Variants in PLPP3 observed in about 807,000 individuals in gnomAD.
PLPP3 encodes PAP2 beta.
Under a neutral mutation model 29.6 loss-of-function variants are expected in PLPP3, and 6 were observed. The observed-to-expected ratio is 0.20, with a 90% CI of 0.11 to 0.40. The LOEUF is 0.40. Among genes scored for constraint, PLPP3 ranks in the 10% least tolerant of loss-of-function variants. PLPP3 has a pLI of 1.00. For missense variants in PLPP3, 308 were observed against 407.7 expected (o/e 0.76, Z 2.11); for synonymous variants, 152 against 159.7 (o/e 0.95, Z 0.36).
intron 1 of PLPP3, among the ~76,000 whole-genome samples, chr1:56,555,439 AAAAAAAAAAAAAAAAAAAAAAC>A (rs1646068936): frequency 6.8e-6 from 1 of 146,310 alleles, no homozygotes; most frequent in African/African-American, 2.5e-5. Flanking sequence ...ACACTAAAAA[AAAAAAAAAAAAAAAAAAAAAAC>A]AAAAAACAAA....
intron 4 of PLPP3, among the ~76,000 whole-genome samples, chr1:56,516,146 C>T (rs1044968309): frequency 3.3e-5 from 5 of 152,076 alleles, no homozygotes; most frequent in Non-Finnish European, 7.4e-5. Flanking sequence ...AGAAAAAAGC[C>T]AGTAGCAACA....
chr1:56,568,767 G>A (rs1646178478), intron 1 of PLPP3, among the ~76,000 whole-genome samples: 1 of 152,134 alleles, frequency 6.6e-6, no homozygotes, highest in African/African-American at 2.4e-5. Flanking sequence ...TGGGACTACA[G>A]GTGCCCACCA....
At chr1:56,526,633 G>A (rs552168280) in intron 2 of PLPP3, among the ~76,000 whole-genome samples, 2 of 152,276 alleles carry the variant, frequency 1.3e-5, no homozygotes, top group South Asian at 4.1e-4. Context: ...TAGGAGTCAA[G>A]TAGCCGAGGT....
intron 1 of PLPP3, among the ~76,000 whole-genome samples, chr1:56,558,379 G>T (rs1006875060): frequency 6.6e-6 from 1 of 152,160 alleles, no homozygotes. Flanking sequence ...AAATGGAAAG[G>T]TAGCTCCATC....
In PLPP3 at chr1:56,526,131, C is replaced by G. The variant is rs537515449; in HGVS notation, c.298-1577G>C. ...AGGCAAAGGCCACTCTAGCCAGCAT[C>G]TTGGCATAGCCGTTTCCTGAGAGAG... On this transcript the variant is annotated intron_variant, in intron 2 of 5. Coordinates refer to ENST00000371250, the MANE Select transcript of PLPP3 (RefSeq NM_003713.5). Among the ~76,000 whole-genome samples, 4 of 152,320 alleles carry G rather than the reference C, an allele frequency of 2.6e-5. No homozygotes were observed. In the South Asian group the frequency reaches 8.3e-4, roughly 32 times the overall value.
chr1:56,565,753 T>C (rs904918691), intron 1 of PLPP3, among the ~76,000 whole-genome samples: 1 of 152,124 alleles, frequency 6.6e-6, no homozygotes, highest in African/African-American at 2.4e-5. Context: ...AAGCCTTCTA[T>C]AGGATCCAGG....
intron 2 of PLPP3, among the ~76,000 whole-genome samples, chr1:56,531,943 C>G (rs1003174679): frequency 6.6e-6 from 1 of 152,166 alleles, no homozygotes; most frequent in Non-Finnish European, 1.5e-5. Context: ...CACACTGCCC[C>G]TCACAGAAAG....
chr1:56,499,083 C>G (rs1299571104), intron 5 of PLPP3, among the ~76,000 whole-genome samples: 10 of 145,232 alleles, frequency 6.9e-5, no homozygotes, highest in Admixed American at 4.8e-4. Flanking sequence ...TCCCCCCCCC[C>G]CACCTTCCCC....
chr1:56,563,570 G>C (rs897378047), intron 1 of PLPP3, among the ~76,000 whole-genome samples: 4 of 152,182 alleles, frequency 2.6e-5, no homozygotes, highest in Non-Finnish European at 4.4e-5. Flanking sequence ...GATTCTCTCT[G>C]ATATATTTTC....
chr1:56,511,479 G>C (rs757967864), intron 5 of PLPP3, among the ~76,000 whole-genome samples: 1 of 152,162 alleles, frequency 6.6e-6, no homozygotes, highest in Non-Finnish European at 1.5e-5. Flanking sequence ...CAAGGTCACA[G>C]AGGGAAGAGG....
intron 1 of PLPP3, among the ~76,000 whole-genome samples, chr1:56,541,529 G>T (rs1645969613): frequency 6.6e-6 from 1 of 152,038 alleles, no homozygotes; most frequent in African/African-American, 2.4e-5. Context: ...AAGAGGCTAC[G>T]TTCCAACCTT....
At chr1:56,544,329 C>T (rs1388566712) in intron 1 of PLPP3, among the ~76,000 whole-genome samples, 1 of 152,128 alleles carries the variant, frequency 6.6e-6, no homozygotes, top group Non-Finnish European at 1.5e-5. Flanking sequence ...AACTCCAAAC[C>T]TCTTTTGTCA....
At chr1:56,561,687 A>T (rs775416065) in intron 1 of PLPP3, among the ~76,000 whole-genome samples, 21 of 152,188 alleles carry the variant, frequency 1.4e-4, no homozygotes, top group Middle Eastern at 3.2e-3. Flanking sequence ...TCTATTTAGA[A>T]GAGATTTCAG....
intron 4 of PLPP3, among the ~76,000 whole-genome samples, chr1:56,516,259 C>G (rs982009119): frequency 2.0e-5 from 3 of 152,134 alleles, no homozygotes; most frequent in Non-Finnish European, 2.9e-5. Flanking sequence ...CCAGTTCACA[C>G]AAGCCACTCC....
intron 5 of PLPP3, among the ~76,000 whole-genome samples, chr1:56,499,522 T>C (rs1327530569): frequency 4.6e-5 from 7 of 152,180 alleles, no homozygotes; most frequent in African/African-American, 9.6e-5. Context: ...CTCTACTTAC[T>C]AGAAAGCAAG....
At chr1:56,523,315 G>A (rs1239275985) in intron 4 of PLPP3, among the ~76,000 whole-genome samples, 1 of 152,178 alleles carries the variant, frequency 6.6e-6, no homozygotes, top group South Asian at 2.1e-4. Flanking sequence ...GCTTGGGCTT[G>A]AGCAACAGTC....
At chr1:56,512,255 C>T in intron 4 of PLPP3, 103 bp from the exon 5 acceptor site, 4 of 1,134,530 alleles carry the variant, frequency 3.5e-6, no homozygotes, top group Non-Finnish European at 3.6e-6. Flanking sequence ...CAGGGATCAT[C>T]TGGACCTTGG....
intron 1 of PLPP3, among the ~76,000 whole-genome samples, chr1:56,545,162 A>G (rs1645996718): frequency 6.6e-6 from 1 of 152,136 alleles, no homozygotes; most frequent in Admixed American, 6.5e-5. Flanking sequence ...ATTTTTTCCA[A>G]TTTAATCATG....
At chr1:56,520,594 T>C (rs532041234) in intron 4 of PLPP3, among the ~76,000 whole-genome samples, 17 of 118,600 alleles carry the variant, frequency 1.4e-4, no homozygotes, top group Non-Finnish European at 2.7e-4. Flanking sequence ...CCAAACCTAG[T>C]GGCTCATGCC....
Sources: allele counts gnomAD v4.1 joint callset (sites outside exome capture counted in the v4.1 genomes callset), GRCh38; gene constraint gnomAD v4.1.1; transcripts MANE v1.5; gene names NCBI Gene and HGNC (gene_info 2026-07-23, HGNC 2026-07-21).